Variants in CSGALNACT1 observed in about 807,000 individuals in gnomAD.
CSGALNACT1 encodes the protein beta4GalNAcT-1.
CSGALNACT1 carries 52 observed loss-of-function variants against 51.0 expected under a neutral mutation model. That is an observed-to-expected ratio of 1.02 (90% confidence interval 0.82 to 1.29). The LOEUF (loss-of-function observed/expected upper bound fraction) is 1.29. CSGALNACT1 is among the 50% of genes most tolerant of loss of function. The pLI is 0.00. For synonymous variants in CSGALNACT1, 341 were observed against 254.4 expected, an observed-to-expected ratio of 1.34 and a Z score of -3.24; for missense variants, 935 against 679.2, an observed-to-expected ratio of 1.38 and a Z score of -4.19.
intron 2 of CSGALNACT1, among the ~76,000 whole-genome samples, chr8:19,596,114 T>C (rs1299220573): frequency 1.3e-5 from 2 of 152,124 alleles, no homozygotes; most frequent in African/African-American, 4.8e-5. Context: ...GCAATTTGTC[T>C]GCCTTGGCCT....
At position 19,547,699 on chromosome 8, in the gene CSGALNACT1, G is replaced by A. The variant is rs147332295; in HGVS notation, c.-296-41569C>T. ...AGTAGTGTGAGAACAGACTAATACCGTAGAATACAATAAAGTATACTCTAG... is the reference window on the plus strand; with the variant it reads ...AGTAGTGTGAGAACAGACTAATACCATAGAATACAATAAAGTATACTCTAG... On this transcript the variant is annotated intron_variant, in intron 3 of 9. Transcript: ENST00000454498. Among the ~76,000 whole-genome samples the A allele has an allele frequency of 1.0e-3, 154 of 152,236 alleles. 2 individuals carry two copies. The highest frequency in any genetic ancestry group is 3.4e-3 in the African/African-American group (140 of 41,534).
At chr8:19,466,293 T>C (rs1035123670) in intron 4 of CSGALNACT1, among the ~76,000 whole-genome samples, 2 of 152,168 alleles carry the variant, frequency 1.3e-5, no homozygotes, top group African/African-American at 4.8e-5. Context: ...ATTATCAGTG[T>C]CTGAAATCAT....
At chr8:19,733,451 A>G (rs763950235) in intron 1 of CSGALNACT1, among the ~76,000 whole-genome samples, 2 of 152,232 alleles carry the variant, frequency 1.3e-5, no homozygotes, top group Admixed American at 6.5e-5. Flanking sequence ...TCAATTCCCT[A>G]TGCAGGATAA....
At chr8:19,422,875 T>A (rs1276583658) in intron 6 of CSGALNACT1, among the ~76,000 whole-genome samples, 1 of 152,250 alleles carries the variant, frequency 6.6e-6, no homozygotes, top group East Asian at 1.9e-4. Flanking sequence ...AGGCACCTGA[T>A]CCTGGAGTCC....
intron 4 of CSGALNACT1, among the ~76,000 whole-genome samples, chr8:19,463,944 C>G (rs1406188455): frequency 2.6e-5 from 4 of 152,130 alleles, no homozygotes. Flanking sequence ...AGGAGCTAAC[C>G]AGGTGCAGAC....
At chr8:19,440,566 T>C (rs1374762205) in intron 5 of CSGALNACT1, among the ~76,000 whole-genome samples, 1 of 151,726 alleles carries the variant, frequency 6.6e-6, no homozygotes, top group Admixed American at 6.6e-5. Context: ...TGGGACGTAT[T>C]TCAAAATAAT....
At chr8:19,641,193 A>T in intron 1 of CSGALNACT1, among the ~76,000 whole-genome samples, 1 of 145,166 alleles carries the variant, frequency 6.9e-6, no homozygotes. Flanking sequence ...TCTCCTCCCA[A>T]CAAGACCTTC....
At chr8:19,527,340 C>G (rs1027460427) in intron 3 of CSGALNACT1, among the ~76,000 whole-genome samples, 1 of 152,136 alleles carries the variant, frequency 6.6e-6, no homozygotes, top group African/African-American at 2.4e-5. Context: ...GTGGCTCACA[C>G]CTGTAATCTC....
At chr8:19,496,470 G>A (rs969201680) in intron 4 of CSGALNACT1, among the ~76,000 whole-genome samples, 1 of 152,172 alleles carries the variant, frequency 6.6e-6, no homozygotes, top group Non-Finnish European at 1.5e-5. Flanking sequence ...TTCATTTGTA[G>A]AGCAGTGTAA....
intron 4 of CSGALNACT1, among the ~76,000 whole-genome samples, chr8:19,493,795 A>G (rs1256960392): frequency 6.6e-6 from 1 of 152,136 alleles, no homozygotes; most frequent in Non-Finnish European, 1.5e-5. Flanking sequence ...CAAAGCTACC[A>G]TGAATATTCA....
In CSGALNACT1 at chr8:19,666,995, GAAAGAAAGAAAGAAAGAAAGA is replaced by G. The variant is rs2059359800; in HGVS notation, c.-544+15457_-544+15477del. 7.7e-3 allele frequency among the ~76,000 whole-genome samples: 206 copies of G among 26,904 alleles called. 15 individuals carry two copies. Among genetic ancestry groups the G allele is most frequent in the African/African-American group, 0.025 (113 of 4,572 alleles). The allele number at this position is 26,904 out of a possible 152,430, so 17.7% of individuals were successfully genotyped here. ...AGAAAGAAAGAAAGAAAGAAAGAAAGAAAGAAAGAAAGAAAGAAAGAAAGGAAGGAAGGAAGGAAGGAAGGA... is the reference window on the plus strand; with the variant it reads ...AGAAAGAAAGAAAGAAAGAAAGAAAGAAGGAAGGAAGGAAGGAAGGAAGGA... On this transcript the variant is annotated intron_variant, in intron 1 of 9. Coordinates refer to the CSGALNACT1 transcript ENST00000332246.
chr8:19,684,081 G>T (rs959736937), upstream of CSGALNACT1, among the ~76,000 whole-genome samples: 2 of 152,222 alleles, frequency 1.3e-5, no homozygotes, highest in African/African-American at 4.8e-5. Context: ...CAGGAGAATC[G>T]TATGAGCCTG....
chr8:19,446,216 G>C (rs1468867335), intron 5 of CSGALNACT1, among the ~76,000 whole-genome samples: 3 of 152,246 alleles, frequency 2.0e-5, no homozygotes, highest in Middle Eastern at 3.4e-3. Context: ...CATGAGAAAG[G>C]AGGAAAATGG....
chr8:19,438,530 TGGTTTTAAACTC>T (rs2060770019), intron 6 of CSGALNACT1, among the ~76,000 whole-genome samples: 1 of 152,228 alleles, frequency 6.6e-6, no homozygotes, highest in Non-Finnish European at 1.5e-5. Context: ...AAGTTGTTGC[TGGTTTTAAACTC>T]TTAAGCACTC....
chr8:19,525,996 G>A (rs1563900495), intron 3 of CSGALNACT1, among the ~76,000 whole-genome samples: 1 of 152,162 alleles, frequency 6.6e-6, no homozygotes, highest in Non-Finnish European at 1.5e-5. Context: ...GTGCAAGAAT[G>A]GGGAAACTAG....
intron 1 of CSGALNACT1, among the ~76,000 whole-genome samples, chr8:19,642,563 G>A (rs1294531638): frequency 6.6e-6 from 1 of 152,070 alleles, no homozygotes; most frequent in Non-Finnish European, 1.5e-5. Context: ...TTGAGCTCAG[G>A]AGTTTGAGAC....
At chr8:19,439,760 T>C (rs1262152616) in intron 6 of CSGALNACT1, 70 bp downstream of exon 5, 1 of 1,172,424 alleles carries the variant, frequency 8.5e-7, no homozygotes, top group African/African-American at 1.5e-5. Flanking sequence ...AAGCAGAAGT[T>C]TCAGCCTTGG....
At chr8:19,404,272 TA>T (rs763429382) in exon 10 of CSGALNACT1, 24 of 444,402 alleles carry the variant, frequency 5.4e-5, no homozygotes, top group Non-Finnish European at 9.4e-5. Context: ...ATGCATTTTT[TA>T]ACACACCAAC....
rs2062326305 is a variant in CSGALNACT1 at position 19,708,702 on chromosome 8, C to T, written c.-297+49148G>A. ...GAAGACTTCCTCCTCATTACTGCTC[C>T]ATCCTCTCCCCATTCCACTGGCCGT... On this transcript the variant is annotated intron_variant, in intron 1 of 1. Transcript: ENST00000517494. Among the ~76,000 whole-genome samples the T allele has an allele frequency of 2.0e-5, 3 of 152,176 alleles. 1 individual carries two copies. In the South Asian group the frequency reaches 6.2e-4, roughly 32 times the overall value.
Sources: allele counts gnomAD v4.1 joint callset (sites outside exome capture counted in the v4.1 genomes callset), GRCh38; gene constraint gnomAD v4.1.1; transcripts MANE v1.5; gene names NCBI Gene and HGNC (gene_info 2026-07-23, HGNC 2026-07-21).